Variants in ADAMTSL3 observed in about 807,000 individuals in gnomAD.
The protein encoded by ADAMTSL3 is ADAMTS like 3, also known as ADAMTS-like protein 3.
In ADAMTSL3, 128 loss-of-function variants were observed where a neutral mutation model predicts 201.7. The observed-to-expected ratio is 0.63, with a 90% CI of 0.55 to 0.73. ADAMTSL3 has a LOEUF of 0.73. ADAMTSL3 is among the 30% of genes least tolerant of loss of function. The probability of loss-of-function intolerance (pLI) is 0.00; values close to 1 mark genes in which losing one functional copy is unlikely to be tolerated. For synonymous variants in ADAMTSL3, 738 were observed against 748.4 expected (o/e 0.99, Z 0.23); for missense variants, 1,990 against 2,119.6 (o/e 0.94, Z 1.20).
At chr15:83,761,400 T>G (rs978231331) in intron 3 of ADAMTSL3, among the ~76,000 whole-genome samples, 8 of 152,218 alleles carry the variant, frequency 5.3e-5, no homozygotes, top group Admixed American at 2.6e-4. Context: ...TTATTTTTGC[T>G]CTTCATTTCT....
At chr15:83,898,695 C>A (rs1055840432) in intron 14 of ADAMTSL3, among the ~76,000 whole-genome samples, 1 of 152,148 alleles carries the variant, frequency 6.6e-6, no homozygotes, top group African/African-American at 2.4e-5. Flanking sequence ...TTTCCATGTT[C>A]TTTAATGTTA....
chr15:83,759,229 A>ATT (rs57969361), intron 3 of ADAMTSL3, among the ~76,000 whole-genome samples: 38 of 145,786 alleles, frequency 2.6e-4, no homozygotes, highest in Middle Eastern at 3.5e-3. Flanking sequence ...TTTGAATGAC[A>ATT]TTTTTTTTTT....
rs576863003 is a variant in ADAMTSL3, at chr15:84,038,659, G to C, written c.*853G>C. The stretch of plus-strand genomic sequence containing the variant: ...AATTTATGCATAAAGTAGTATTCCT[G>C]AGAACTTTATTTTGGAAAATTTATA... On this transcript the variant is annotated 3_prime_UTR_variant, in exon 30 of 30. Coordinates refer to ENST00000286744, the MANE Select transcript of ADAMTSL3 (RefSeq NM_207517.3). The C allele has an allele frequency of 1.0e-4, 16 of 152,662 alleles. No homozygotes were observed. Among genetic ancestry groups the C allele is most frequent in the African/African-American group, 3.4e-4 (14 of 41,548 alleles). 9.5% of individuals were successfully genotyped at this position (152,662 alleles called of 1,614,324 possible).
intron 8 of ADAMTSL3, among the ~76,000 whole-genome samples, chr15:83,866,461 G>C (rs1243538311): frequency 6.6e-6 from 1 of 152,174 alleles, no homozygotes; most frequent in African/African-American, 2.4e-5. Flanking sequence ...CCTTTGTAGG[G>C]ACATGGATGA....
intron 10 of ADAMTSL3, among the ~76,000 whole-genome samples, chr15:83,887,873 G>A (rs2065427641): frequency 6.6e-6 from 1 of 152,198 alleles, no homozygotes. Context: ...GTGCAGGCGT[G>A]TGCCACCATG....
At chr15:83,922,072 C>T (rs1410290318) in intron 16 of ADAMTSL3, among the ~76,000 whole-genome samples, 2 of 152,102 alleles carry the variant, frequency 1.3e-5, no homozygotes, top group Admixed American at 1.3e-4. Flanking sequence ...GTAATTATTA[C>T]CTAAATTTTG....
At chr15:83,863,153 T>C (rs572526499) in intron 8 of ADAMTSL3, among the ~76,000 whole-genome samples, 10 of 152,240 alleles carry the variant, frequency 6.6e-5, no homozygotes, top group East Asian at 5.8e-4. Context: ...AGACTTAGAC[T>C]CCCATACAAT....
intron 7 of ADAMTSL3, among the ~76,000 whole-genome samples, chr15:83,856,741 C>T (rs553063744): frequency 4.9e-4 from 75 of 152,244 alleles, no homozygotes; most frequent in Middle Eastern, 3.4e-3. Context: ...TTCTTCCTTT[C>T]GTCTATTGGG....
At chr15:83,897,553 CT>C (rs1478753521) in intron 13 of ADAMTSL3, among the ~76,000 whole-genome samples, 2 of 152,068 alleles carry the variant, frequency 1.3e-5, no homozygotes, top group Non-Finnish European at 2.9e-5. Flanking sequence ...CTTGAGAAAA[CT>C]TGTAACAAGT....
intron 5 of ADAMTSL3, among the ~76,000 whole-genome samples, chr15:83,819,220 G>A (rs554317613): frequency 5.7e-4 from 83 of 145,802 alleles, no homozygotes; most frequent in South Asian, 1.7e-3. Context: ...GCAGTGAGCC[G>A]AGCCACTGCA....
intron 2 of ADAMTSL3, among the ~76,000 whole-genome samples, chr15:83,679,849 A>G (rs767214649): frequency 7.9e-5 from 12 of 152,110 alleles, no homozygotes; most frequent in Non-Finnish European, 1.5e-4. Flanking sequence ...CTCAGCAGAT[A>G]TTGTCCAGCA....
chr15:83,885,711 G>C (rs2065374736), intron 10 of ADAMTSL3, among the ~76,000 whole-genome samples: 1 of 151,796 alleles, frequency 6.6e-6, no homozygotes, highest in African/African-American at 2.4e-5. Flanking sequence ...GGAAAGCCCT[G>C]CTTATTGTCT....
intron 10 of ADAMTSL3, among the ~76,000 whole-genome samples, chr15:83,885,732 A>C (rs142447065): frequency 0.011 from 1,620 of 151,688 alleles, 23 homozygotes; most frequent in African/African-American, 0.038. Flanking sequence ...GCTTAGTTCA[A>C]GGTCTTTTTT....
intron 3 of ADAMTSL3, among the ~76,000 whole-genome samples, chr15:83,719,725 G>A (rs1596084342): frequency 6.6e-6 from 1 of 152,058 alleles, no homozygotes; most frequent in African/African-American, 2.4e-5. Context: ...TTGAAATCTT[G>A]CATAGTAAAA....
intron 4 of ADAMTSL3, among the ~76,000 whole-genome samples, chr15:83,798,417 C>T (rs2063462478): frequency 6.6e-6 from 1 of 152,276 alleles, no homozygotes; most frequent in East Asian, 1.9e-4. Context: ...TGTGGTGTTT[C>T]AGAAGTAAGA....
At chr15:83,941,220 T>C (rs1003793272) in intron 17 of ADAMTSL3, among the ~76,000 whole-genome samples, 7 of 151,962 alleles carry the variant, frequency 4.6e-5, no homozygotes, top group African/African-American at 1.7e-4. Context: ...TCTTTTGTCC[T>C]ATTATATCTG....
intron 20 of ADAMTSL3, among the ~76,000 whole-genome samples, chr15:83,972,866 A>G (rs1471084515): frequency 6.6e-6 from 1 of 152,142 alleles, no homozygotes; most frequent in Non-Finnish European, 1.5e-5. Context: ...CTACACTTTC[A>G]CATAGCATCC....
In ADAMTSL3 at chr15:83,970,546, C is replaced by T; in HGVS notation, c.2553C>T (p.Ala851=). 9 of 1,614,166 alleles carry T rather than the reference C, an allele frequency of 5.6e-6. No individual in the cohort carries two copies. Among genetic ancestry groups the T allele is most frequent in the Non-Finnish European group, 7.6e-6 (9 of 1,180,030 alleles). The change falls in exon 20 of 30, where the codon GCC becomes GCT. Residue 851 remains alanine, a synonymous_variant. Coordinates refer to ENST00000286744, the MANE Select transcript of ADAMTSL3 (RefSeq NM_207517.3). ...RRKQVCQRLA[A]KGRRIPLSEM... The stretch of plus-strand genomic sequence containing the variant: ...AGCAGGTGTGTCAAAGGCTGGCAGC[C>T]AAAGGTCGGCGCATCCCCCTCAGTG...
chr15:83,728,222 T>C (rs1312823526), intron 3 of ADAMTSL3, among the ~76,000 whole-genome samples: 1 of 151,960 alleles, frequency 6.6e-6, no homozygotes, highest in Non-Finnish European at 1.5e-5. Context: ...TCTTTTTTCA[T>C]CCCTTTTTTT....
Sources: allele counts gnomAD v4.1 joint callset (sites outside exome capture counted in the v4.1 genomes callset), GRCh38; gene constraint gnomAD v4.1.1; transcripts MANE v1.5; gene names NCBI Gene and HGNC (gene_info 2026-07-23, HGNC 2026-07-21).